RBM47: variants seen among roughly 807,000 people sequenced by gnomAD.
The protein encoded by RBM47 is RNA binding motif protein 47.
RBM47 carries 21 observed loss-of-function variants against 47.1 expected under a neutral mutation model. The observed-to-expected ratio is 0.45, with a 90% CI of 0.32 to 0.64. The LOEUF is 0.64. Among genes scored for constraint, RBM47 ranks in the 30% least tolerant of loss-of-function variants. The pLI, the probability that RBM47 is intolerant of heterozygous loss-of-function variation, is 0.05. For synonymous variants in RBM47, 375 were observed against 361.7 expected (o/e 1.04, Z -0.42); for missense variants, 708 against 870.9 (o/e 0.81, Z 2.35).
At chr4:40,478,093 G>A (rs527310839) in intron 2 of RBM47, among the ~76,000 whole-genome samples, 1 of 135,942 alleles carries the variant, frequency 7.4e-6, no homozygotes, top group Non-Finnish European at 1.5e-5. Flanking sequence ...TTGGCTCACC[G>A]CAACCTCCGC....
intron 2 of RBM47, among the ~76,000 whole-genome samples, chr4:40,517,920 A>C (rs1440300736): frequency 6.6e-6 from 1 of 152,202 alleles, no homozygotes; most frequent in African/African-American, 2.4e-5. Context: ...GCACCATTTT[A>C]TATAGAGGAC....
Position 40,438,414 on chromosome 4 carries a change from C to T in RBM47, c.480G>A (p.Lys160=). ...NCRLFIGGIP[K]MKKREEILEE... ...CCAGGATTTCCTCGCGCTTCTTCAT[C>T]TTGGGGATCCCGCCGATGAAGAGGC... The change falls in exon 4 of 7, where the codon AAG becomes AAA. Residue 160 remains lysine, a synonymous_variant. Transcript: ENST00000295971. 1.2e-6 allele frequency: 2 copies of T among 1,613,384 alleles called. No homozygotes were observed. Among genetic ancestry groups the T allele is most frequent in the Non-Finnish European group, 1.7e-6 (2 of 1,179,986 alleles).
At chr4:40,580,280 T>A (rs997113408) in intron 1 of RBM47, among the ~76,000 whole-genome samples, 8 of 152,134 alleles carry the variant, frequency 5.3e-5, no homozygotes, top group African/African-American at 1.9e-4. Context: ...TCCTTTCCAC[T>A]GTCTCATCTC....
chr4:40,469,682 A>G (rs1718564234), intron 2 of RBM47, among the ~76,000 whole-genome samples: 1 of 151,946 alleles, frequency 6.6e-6, no homozygotes. Context: ...TTCTGGAAAC[A>G]AACATTGACC....
rs894871460 is a variant in RBM47, at chr4:40,453,135, G to A, written c.-32+13442C>T. Among the ~76,000 whole-genome samples, 3 of 152,078 alleles carry A rather than the reference G, an allele frequency of 2.0e-5. No individual in the cohort carries two copies. In the South Asian group the frequency reaches 6.2e-4, roughly 32 times the overall value. On this transcript the variant is annotated intron_variant, in intron 3 of 6. Transcript: ENST00000295971. ...ATTACAGGCTTGAGCCACTGTACCC[G>A]GCCCATTTCCTTCTTAATAACATAA...
chr4:40,583,783 G>A (rs1428920528), intron 1 of RBM47, among the ~76,000 whole-genome samples: 4 of 151,034 alleles, frequency 2.6e-5, no homozygotes, highest in Non-Finnish European at 2.9e-5. Flanking sequence ...GCGTGAACCC[G>A]GGAGGCAGAG....
chr4:40,599,631 G>C (rs948017685), intron 1 of RBM47, among the ~76,000 whole-genome samples: 35 of 152,062 alleles, frequency 2.3e-4, no homozygotes, highest in African/African-American at 8.0e-4. Flanking sequence ...CACCCAGCAG[G>C]AGAGGCCTTA....
chr4:40,553,876 C>T (rs764607082), intron 1 of RBM47, among the ~76,000 whole-genome samples: 19 of 152,272 alleles, frequency 1.2e-4, no homozygotes, highest in Non-Finnish European at 1.5e-4. Context: ...GGCCAGCAAC[C>T]TCTACTAAGA....
intron 2 of RBM47, among the ~76,000 whole-genome samples, chr4:40,518,819 T>C (rs905967250): frequency 2.7e-5 from 4 of 149,758 alleles, no homozygotes; most frequent in Non-Finnish European, 5.9e-5. Context: ...AAAAAAAAAA[T>C]CCCAAAGGAA....
intron 2 of RBM47, among the ~76,000 whole-genome samples, chr4:40,469,212 A>G (rs967901425): frequency 1.2e-4 from 18 of 152,198 alleles, no homozygotes; most frequent in Non-Finnish European, 2.4e-4. Context: ...TGAACATGTA[A>G]ACTCTAAGAA....
chr4:40,489,630 T>C (rs534067384), intron 2 of RBM47, among the ~76,000 whole-genome samples: 36 of 152,236 alleles, frequency 2.4e-4, no homozygotes, highest in African/African-American at 7.5e-4. Flanking sequence ...CAAGAAGAAA[T>C]AGAATATCTG....
chr4:40,434,005 GT>G (rs1553876880), intron 5 of RBM47, among the ~76,000 whole-genome samples: 1,195 of 65,902 alleles, frequency 0.018, 216 homozygotes, highest in Non-Finnish European at 0.022. Context: ...GGGCGGGGGT[GT>G]GTGTGTGTGT....
Position 40,426,078 on chromosome 4 carries a change from G to A in RBM47, c.1608C>T (p.Ile536=). ...CAAATGGCACGTAACTGGCCCCGTA[G>A]ATCCCGGCAGTAGGAATTCTCTGAA... The part of the protein sequence containing the change: ...PNVQRIPTAG[I]YGASYVPFAA... The change falls in exon 7 of 7, where the codon ATC becomes ATT. Residue 536 remains isoleucine (I), a synonymous_variant. Coordinates refer to ENST00000295971, the MANE Select transcript of RBM47 (RefSeq NM_001098634.2). 1 of 1,614,234 alleles carries A rather than the reference G, an allele frequency of 6.2e-7. No homozygotes were observed. Among genetic ancestry groups the A allele is most frequent in the Non-Finnish European group, 8.5e-7 (1 of 1,180,040 alleles).
chr4:40,469,115 C>T (rs867373361), intron 2 of RBM47, among the ~76,000 whole-genome samples: 34 of 152,248 alleles, frequency 2.2e-4, no homozygotes, highest in Middle Eastern at 3.4e-3. Context: ...GCACCATTCT[C>T]GACATATATT....
chr4:40,598,073 G>A (rs1734916053), intron 1 of RBM47, among the ~76,000 whole-genome samples: 4 of 152,178 alleles, frequency 2.6e-5, no homozygotes, highest in Admixed American at 2.6e-4. Flanking sequence ...ATTCTTTAGT[G>A]TATTATTGCA....
chr4:40,621,178 T>C (rs550205883), intron 1 of RBM47, among the ~76,000 whole-genome samples: 3 of 152,298 alleles, frequency 2.0e-5, no homozygotes, highest in African/African-American at 7.2e-5. Flanking sequence ...ACCTTCAAGA[T>C]GGTTTTAGGG....
At chr4:40,550,099 T>C (rs1289827986) in intron 1 of RBM47, among the ~76,000 whole-genome samples, 1 of 152,042 alleles carries the variant, frequency 6.6e-6, no homozygotes, top group Admixed American at 6.6e-5. Flanking sequence ...CCACAAAGGG[T>C]CAAACCCAAC....
chr4:40,607,554 A>C (rs1288251008), intron 1 of RBM47, among the ~76,000 whole-genome samples: 1 of 152,112 alleles, frequency 6.6e-6, no homozygotes, highest in East Asian at 1.9e-4. Context: ...AAAAAATTTT[A>C]AAATTATCCA....
At chr4:40,457,761 C>T (rs921487815) in intron 3 of RBM47, among the ~76,000 whole-genome samples, 3 of 152,102 alleles carry the variant, frequency 2.0e-5, no homozygotes, top group Non-Finnish European at 4.4e-5. Flanking sequence ...CGTTAAACTT[C>T]TTAAATTTTA....
Sources: gnomAD v4.1 joint callset for allele counts (sites outside exome capture counted in the v4.1 genomes callset) on GRCh38, gnomAD v4.1.1 for gene constraint, MANE v1.5 for transcripts, NCBI Gene and HGNC (gene_info 2026-07-23, HGNC 2026-07-21) for gene names.